The following FAM120C variants were observed in gnomAD, a reference collection of about 807,000 sequenced individuals.
FAM120C encodes the protein constitutive coactivator of PPAR-gamma-like protein 2.
Under a neutral mutation model 71.2 loss-of-function variants are expected in FAM120C, and 14 were observed. That is an observed-to-expected ratio of 0.20 (90% CI 0.13 to 0.31). The LOEUF is 0.31. Ranked by LOEUF, FAM120C falls within the 10% of genes least tolerant of loss-of-function variation. FAM120C has a pLI of 1.00. For missense variants in FAM120C, 500 were observed against 879.0 expected (o/e 0.57, Z 5.45); for synonymous variants, 354 against 353.2 (o/e 1.00, Z -0.03).
intron 1 of FAM120C, chrX:54,173,941 CA>C (rs2067302360): frequency 2.5e-6 from 1 of 400,224 alleles, no homozygotes; most frequent in Non-Finnish European, 4.4e-6. Flanking sequence ...AGGTGCCAGC[CA>C]GGGCTGCAGT....
Position 54,182,862 on chromosome X carries a change from G to C in FAM120C, c.337C>G (p.Leu113Val), listed in dbSNP as rs533498602. 2.3e-5 allele frequency: 26 copies of C among 1,144,589 alleles called. No individual in the cohort carries two copies. The African/African-American group carries it at 3.6e-4, about 16-fold the overall frequency. 94.3% of individuals were successfully genotyped at this position (1,144,589 alleles called of 1,213,427 possible). The change falls in exon 1 of 16, where the codon CTG becomes GTG. Residue 113 changes from leucine to valine, a missense_variant. Around this residue, in one of 11 missense-constraint regions of FAM120C, gnomAD observed 79 missense variants for 78.3 expected, o/e 1.01. Coordinates refer to ENST00000375180, the MANE Select transcript of FAM120C (RefSeq NM_017848.6). ...PPLPPPPPPQ[L>V]PGARVLVDAG... The stretch of plus-strand genomic sequence containing the variant: ...TCCACCAGCACCCGGGCCCCGGGCA[G>C]CTGAGGGGGCGGCGGCGGCGGCAGC...
chrX:54,087,986 T>C (rs1603352371), intron 11 of FAM120C, 22 bp from the exon 12 acceptor site: 1 of 1,130,932 alleles, frequency 8.8e-7, no homozygotes. Context: ...ACAGATGAAA[T>C]ATTACTATTA....
intron 10 of FAM120C, among the ~76,000 whole-genome samples, chrX:54,103,579 C>T (rs782671834): frequency 1.1e-4 from 12 of 111,863 alleles, no homozygotes; most frequent in Admixed American, 3.8e-4. Context: ...AAAAATGCAT[C>T]TCTTCCTCAT....
chrX:54,117,149 A>G (rs892814104), intron 9 of FAM120C, among the ~76,000 whole-genome samples: 6 of 107,348 alleles, frequency 5.6e-5, no homozygotes, highest in Admixed American at 2.1e-4. Flanking sequence ...GCTTGAGCCC[A>G]GGAGTACAAG....
intron 7 of FAM120C, 104 bp downstream of exon 7, chrX:54,134,727 G>A: frequency 4.5e-6 from 4 of 885,019 alleles, no homozygotes; most frequent in Non-Finnish European, 6.2e-6. Flanking sequence ...CACTACAGAG[G>A]AAACCCAGGA....
At chrX:54,090,164 T>A (rs1258023891) in intron 11 of FAM120C, among the ~76,000 whole-genome samples, 1 of 109,661 alleles carries the variant, frequency 9.1e-6, no homozygotes, top group Non-Finnish European at 1.9e-5. Context: ...GCCCTCCCTG[T>A]GGTAATGAGC....
At chrX:54,075,044 G>T (rs1283092640) in intron 15 of FAM120C, among the ~76,000 whole-genome samples, 3 of 111,675 alleles carry the variant, frequency 2.7e-5, no homozygotes, top group Non-Finnish European at 5.6e-5. Flanking sequence ...TGTAGTCCAA[G>T]CTACCTGGGA....
At chrX:54,082,825 A>C (rs1407493314) in intron 13 of FAM120C, among the ~76,000 whole-genome samples, 1 of 111,385 alleles carries the variant, frequency 9.0e-6, no homozygotes, top group African/African-American at 3.3e-5. Flanking sequence ...TATAATTAAA[A>C]AGCAAGAATA....
chrX:54,101,595 T>C (rs1213501650), intron 10 of FAM120C, among the ~76,000 whole-genome samples: 1 of 112,183 alleles, frequency 8.9e-6, no homozygotes, highest in Non-Finnish European at 1.9e-5. Context: ...GACATAACCA[T>C]GCAGTAGCCT....
At chrX:54,149,735 T>G (rs1419063111) in intron 4 of FAM120C, among the ~76,000 whole-genome samples, 1 of 110,529 alleles carries the variant, frequency 9.0e-6, no homozygotes, top group Non-Finnish European at 1.9e-5. Context: ...TTGCCAGGGG[T>G]TAAAGGTAGG....
chrX:54,117,231 C>T (rs370623717), intron 9 of FAM120C, among the ~76,000 whole-genome samples: 16 of 106,585 alleles, frequency 1.5e-4, no homozygotes, highest in African/African-American at 5.5e-4. Context: ...TGGTGGCATG[C>T]GCTGCCAGCG....
chrX:54,161,640 T>C (rs1203109258), intron 1 of FAM120C, among the ~76,000 whole-genome samples: 1 of 112,436 alleles, frequency 8.9e-6, no homozygotes, highest in Non-Finnish European at 1.9e-5. Flanking sequence ...ATTTCTTGTT[T>C]TGTTTTTTGG....
In FAM120C at chrX:54,151,386, G is replaced by A; in HGVS notation, c.1030-13C>T. ...GATGAGCTCGAACCTAGAAAGGCAA[G>A]ATAAGCAAGGGACACTGACATCAAA... is the stretch of plus-strand genomic sequence containing the variant. On this transcript the variant is annotated splice_polypyrimidine_tract_variant and intron_variant, in intron 3 of 15. Coordinates refer to ENST00000375180, the MANE Select transcript of FAM120C (RefSeq NM_017848.6). 1 of 1,202,733 alleles carries A rather than the reference G, an allele frequency of 8.3e-7. No homozygotes were observed. Among genetic ancestry groups the A allele is most frequent in the Non-Finnish European group, 1.1e-6 (1 of 891,647 alleles).
chrX:54,080,348 C>T (rs1353203126), intron 14 of FAM120C, 59 bp from the exon 15 acceptor site: 1 of 974,026 alleles, frequency 1.0e-6, no homozygotes, highest in East Asian at 3.1e-5. Context: ...CACCCCTTTT[C>T]ACTTGGTTAA....
rs2066705536 is a variant in FAM120C at position 54,070,690 on chromosome X, G to C, written c.*2343C>G. On this transcript the variant is annotated 3_prime_UTR_variant, in exon 16 of 16. Transcript: ENST00000375180. ...GTCCTACCTTCAAGACGTTGTGAAA[G>C]GTTGGGCAGGTCCAAGAGAAGGGGG... 1 of 111,790 alleles carries C rather than the reference G, an allele frequency of 8.9e-6. No homozygotes were observed. Among genetic ancestry groups the C allele is most frequent in the African/African-American group, 3.2e-5 (1 of 30,784 alleles). The allele number at this position is 111,790 out of a possible 1,213,427, so 9.2% of individuals were successfully genotyped here. A position where few individuals can be genotyped will look rare whatever the true frequency, so the allele number is the denominator to read the frequency against.
In FAM120C at chrX:54,068,792, A is replaced by AATAGAATAGAATAGG. The variant is rs1557119802; in HGVS notation, c.*4240_*4241insCCTATTCTATTCTAT. 6 of 39,733 alleles carry AATAGAATAGAATAGG rather than the reference A, an allele frequency of 1.5e-4. No homozygotes were observed. The highest frequency in any genetic ancestry group is 5.1e-4 in the African/African-American group (6 of 11,749). 3.3% of individuals were successfully genotyped at this position (39,733 alleles called of 1,213,427 possible). On this transcript the variant is annotated 3_prime_UTR_variant, in exon 16 of 16. Transcript: ENST00000375180. ...AACAGAATAGAACAGAATAGAACAG[A>AATAGAATAGAATAGG]ATAGAATAGAATAGAATAGAATAGA... is the stretch of plus-strand genomic sequence containing the variant.
chrX:54,114,648 A>G (rs1368325672), intron 10 of FAM120C, among the ~76,000 whole-genome samples: 1 of 111,404 alleles, frequency 9.0e-6, no homozygotes, highest in African/African-American at 3.3e-5. Flanking sequence ...CATGTTGGCC[A>G]GGCTGGTCTT....
At chrX:54,142,728 T>A (rs2067132349) in intron 4 of FAM120C, among the ~76,000 whole-genome samples, 1 of 111,572 alleles carries the variant, frequency 9.0e-6, no homozygotes, top group South Asian at 3.7e-4. Flanking sequence ...TGTGACAGCT[T>A]TGAAGAGAGT....
chrX:54,136,469 T>C, intron 5 of FAM120C, 22 bp downstream of exon 5: 1 of 1,148,149 alleles, frequency 8.7e-7, no homozygotes, highest in South Asian at 1.8e-5. Flanking sequence ...CAGAGCAGCT[T>C]AGGGTCAGAT....
Sources: allele counts gnomAD v4.1 joint callset (sites outside exome capture counted in the v4.1 genomes callset), GRCh38; gene constraint gnomAD v4.1.1; regional missense constraint gnomAD v4.1.1; transcripts MANE v1.5; gene names NCBI Gene and HGNC (gene_info 2026-07-23, HGNC 2026-07-21).